The following PCDHA2 variants were observed in gnomAD, a reference collection of about 807,000 sequenced individuals.
The protein encoded by PCDHA2 is protocadherin alpha 2, also known as protocadherin alpha-2.
A neutral mutation model predicts 66.0 loss-of-function variants in PCDHA2; 58 were observed. The ratio of observed to expected loss-of-function variants is 0.88; its 90% CI spans 0.71 to 1.09. The LOEUF is 1.09. Ranked by LOEUF, PCDHA2 falls within the 50% of genes least tolerant of loss-of-function variation. The probability of loss-of-function intolerance (pLI) is 0.00; values close to 1 mark genes in which losing one functional copy is unlikely to be tolerated. For missense variants in PCDHA2, 1,267 were observed against 1,242.3 expected (o/e 1.02, Z -0.30); for synonymous variants, 634 against 554.0 (o/e 1.14, Z -2.03).
At chr5:140,969,982 G>T (rs1327490843) in intron 1 of PCDHA2, among the ~76,000 whole-genome samples, 1 of 152,184 alleles carries the variant, frequency 6.6e-6, no homozygotes, top group Non-Finnish European at 1.5e-5. Flanking sequence ...CAACTCTTCT[G>T]TAGAGGGCTG....
chr5:140,853,921 C>T (rs2042909522), intron 1 of PCDHA2: 2 of 921,152 alleles, frequency 2.2e-6, no homozygotes, highest in African/African-American at 1.8e-5. Flanking sequence ...GCAATCCCAA[C>T]ATTTTGGGAG....
intron 1 of PCDHA2, among the ~76,000 whole-genome samples, chr5:140,874,611 C>T (rs1274309771): frequency 6.6e-6 from 1 of 152,220 alleles, no homozygotes; most frequent in African/African-American, 2.4e-5. Flanking sequence ...GAGGCTTCAA[C>T]TAAACATTTT....
intron 1 of PCDHA2, chr5:140,881,399 T>C (rs2058702396): frequency 1.0e-6 from 1 of 975,460 alleles, no homozygotes; most frequent in Non-Finnish European, 1.2e-6. Flanking sequence ...TTAAATTCTA[T>C]TAAATCAATA....
intron 3 of PCDHA2, among the ~76,000 whole-genome samples, chr5:140,991,401 T>C (rs1271447254): frequency 6.6e-6 from 1 of 152,218 alleles, no homozygotes; most frequent in Non-Finnish European, 1.5e-5. Context: ...TGTATTTATT[T>C]CCCATTATGC....
intron 1 of PCDHA2, chr5:140,807,058 G>A: frequency 9.1e-7 from 1 of 1,098,782 alleles, no homozygotes; most frequent in Non-Finnish European, 1.3e-6. Flanking sequence ...TATTCTTACT[G>A]GAAGGAACCA....
chr5:140,853,583 T>C lies in PCDHA2; in HGVS notation c.2388+56231T>C, dbSNP rs1298599428. Reference sequence around the variant, plus strand: ...AAAACTAAGTTGTCACCCAATATCTTAGACACTTTGAGAGCAAAGGGGGTG... The same window carrying C: ...AAAACTAAGTTGTCACCCAATATCTCAGACACTTTGAGAGCAAAGGGGGTG... On this transcript the variant is annotated intron_variant, in intron 1 of 3. Transcript: ENST00000526136. 16 of 985,202 alleles carry C rather than the reference T, an allele frequency of 1.6e-5. 2 individuals carry two copies. The highest frequency in any genetic ancestry group is 1.8e-5 in the Non-Finnish European group (15 of 817,512). The allele number at this position is 985,202 out of a possible 1,614,324, so 61.0% of individuals were successfully genotyped here. A position where few individuals can be genotyped will look rare whatever the true frequency, so the allele number is the denominator to read the frequency against.
chr5:140,875,216 A>T, intron 1 of PCDHA2: 1 of 717,612 alleles, frequency 1.4e-6, no homozygotes, highest in East Asian at 3.2e-5. Flanking sequence ...ACCGAAAAGA[A>T]CCTCAGGATC....
At position 140,796,864 on chromosome 5, in the gene PCDHA2, A is replaced by G. The variant is rs1762150380; in HGVS notation, c.1900A>G (p.Thr634Ala). Reference protein sequence around the residue: ...VGLYTGEISTTRALDEADSPR... With the variant: ...VGLYTGEISTARALDEADSPR... ...GCTATACACGGGTGAGATCAGCACG[A>G]CACGTGCCCTAGACGAGGCTGACTC... The change falls in exon 1 of 4, where the codon ACA becomes GCA. Residue 634 changes from threonine to alanine, a missense_variant. Thr to Ala is a moderately conservative substitution (Grantham distance 58). Transcript: ENST00000526136. The G allele has an allele frequency of 2.5e-6, 4 of 1,614,044 alleles. 1 individual carries two copies. Among genetic ancestry groups the G allele is most frequent in the Middle Eastern group, 1.6e-4 (1 of 6,062 alleles).
chr5:140,835,558 G>A (rs1359916127), intron 1 of PCDHA2: 13 of 1,613,894 alleles, frequency 8.1e-6, no homozygotes, highest in Non-Finnish European at 1.0e-5. Context: ...CTGACGCCCC[G>A]CGTTCCCTTC....
intron 1 of PCDHA2, among the ~76,000 whole-genome samples, chr5:140,846,400 A>T (rs1581110513): frequency 9.9e-6 from 1 of 101,082 alleles, no homozygotes; most frequent in Non-Finnish European, 1.8e-5. Flanking sequence ...TTTGAGACGG[A>T]GTCTCGCTCT....
intron 1 of PCDHA2, among the ~76,000 whole-genome samples, chr5:140,826,832 G>C (rs2150145487): frequency 6.6e-6 from 1 of 152,082 alleles, no homozygotes; most frequent in South Asian, 2.1e-4. Context: ...GTTACTAGAA[G>C]TTTCTCAAGT....
At chr5:140,967,518 A>T (rs1554229639) in intron 1 of PCDHA2, 1 of 1,612,930 alleles carries the variant, frequency 6.2e-7, no homozygotes, top group Non-Finnish European at 8.5e-7. Flanking sequence ...CTGGACACTA[A>T]CGACAACTCT....
intron 1 of PCDHA2, among the ~76,000 whole-genome samples, chr5:140,904,620 A>T (rs1419190047): frequency 6.6e-6 from 1 of 151,986 alleles, no homozygotes; most frequent in Non-Finnish European, 1.5e-5. Flanking sequence ...TTTTACTTTT[A>T]GTTCTTTAAG....
Position 140,796,555 on chromosome 5 carries a change from C to G in PCDHA2, c.1591C>G (p.Leu531Val), listed in dbSNP as rs553702843. The change falls in exon 1 of 4, where the codon CTG becomes GTG. Residue 531 changes from leucine to valine, a missense_variant. By Grantham distance (32) the Leu-to-Val change is conservative. Coordinates refer to ENST00000526136, the MANE Select transcript of PCDHA2 (RefSeq NM_018905.3). ...GCTGGACCACGAGGAAGTGGAGCTG[C>G]TGCAGTTCCAGGTGAGCGCGCGGGA... ...QPLDHEEVELLQFQVSARDAG... is the reference protein window; with the variant it reads ...QPLDHEEVELVQFQVSARDAG... 19 of 1,613,196 alleles carry G rather than the reference C, an allele frequency of 1.2e-5. No homozygotes were observed. The South Asian group carries it at 1.2e-4, about 10-fold the overall frequency.
intron 1 of PCDHA2, chr5:140,863,094 G>A (rs782437357): frequency 8.7e-6 from 5 of 576,444 alleles, no homozygotes; most frequent in African/African-American, 3.7e-5. Flanking sequence ...TCAGCACGAC[G>A]AGTACCCTGG....
At chr5:140,869,521 C>T (rs782236624) in intron 1 of PCDHA2, 4 of 1,614,064 alleles carry the variant, frequency 2.5e-6, no homozygotes, top group Non-Finnish European at 2.5e-6. Flanking sequence ...AGAACAAAAG[C>T]TGCTGATTGC....
chr5:141,010,193 T>C lies in PCDHA2; in HGVS notation c.*256T>C, dbSNP rs782116962. Reference sequence around the variant, plus strand: ...CCTAAAAAGCAGACCCAAGTTTCCTTTCTCCTCCGCCGCAAAGGAGAGGCT... The same window carrying C: ...CCTAAAAAGCAGACCCAAGTTTCCTCTCTCCTCCGCCGCAAAGGAGAGGCT... On this transcript the variant is annotated 3_prime_UTR_variant, in exon 4 of 4. Transcript: ENST00000526136. 7.7e-6 allele frequency: 12 copies of C among 1,552,398 alleles called. No individual in the cohort carries two copies. The South Asian group carries it at 1.3e-4, about 17-fold the overall frequency.
chr5:140,826,206 T>A (rs1768846872), intron 1 of PCDHA2, among the ~76,000 whole-genome samples: 1 of 152,236 alleles, frequency 6.6e-6, no homozygotes, highest in Non-Finnish European at 1.5e-5. Flanking sequence ...GGTCACATTT[T>A]AAAAAATCAA....
chr5:140,809,032 T>C (rs1554124955), intron 1 of PCDHA2: 1 of 1,613,838 alleles, frequency 6.2e-7, no homozygotes, highest in South Asian at 1.1e-5. Context: ...AGCCGGGGAC[T>C]GGTGGCGCGC....
Sources: allele counts gnomAD v4.1 joint callset (sites outside exome capture counted in the v4.1 genomes callset), GRCh38; gene constraint gnomAD v4.1.1; transcripts MANE v1.5; gene names NCBI Gene and HGNC (gene_info 2026-07-23, HGNC 2026-07-21).